HEMK2: variants seen among roughly 807,000 people sequenced by gnomAD.
HEMK2 encodes methyltransferase HEMK2.
chr21:28,625,110 A>T, the HEMK2 span, among the ~76,000 whole-genome samples: 2 of 152,220 alleles, frequency 1.3e-5, no homozygotes, highest in African/African-American at 2.4e-5. Flanking sequence ...AAATCAACTG[A>T]GGAAAAGTCA....
chr21:28,703,595 C>T, the HEMK2 span, among the ~76,000 whole-genome samples: 1 of 152,168 alleles, frequency 6.6e-6, no homozygotes, highest in Non-Finnish European at 1.5e-5. Flanking sequence ...TCTGCTCATC[C>T]TTTATCTATG....
At chr21:28,857,321 G>A in the HEMK2 span, among the ~76,000 whole-genome samples, 1 of 151,616 alleles carries the variant, frequency 6.6e-6, no homozygotes, top group African/African-American at 2.4e-5. Flanking sequence ...CTGAAACCAA[G>A]CACCATACAA....
chr21:28,770,166 C>A, the HEMK2 span, among the ~76,000 whole-genome samples: 3 of 152,248 alleles, frequency 2.0e-5, no homozygotes, highest in East Asian at 3.9e-4. Context: ...AAAGATTTCA[C>A]AAGGAAGTAG....
At chr21:28,632,929 G>A in the HEMK2 span, among the ~76,000 whole-genome samples, 1 of 152,170 alleles carries the variant, frequency 6.6e-6, no homozygotes, top group African/African-American at 2.4e-5. Context: ...CCTGCTGCAA[G>A]TGGCTTATTT....
chr21:28,592,564 C>T, the HEMK2 span, among the ~76,000 whole-genome samples: 1 of 152,198 alleles, frequency 6.6e-6, no homozygotes, highest in South Asian at 2.1e-4. Context: ...AGACAAAAAT[C>T]ATTCTTAAGG....
At chr21:28,768,946 G>A in the HEMK2 span, among the ~76,000 whole-genome samples, 3 of 151,956 alleles carry the variant, frequency 2.0e-5, no homozygotes, top group East Asian at 1.9e-4. Context: ...CAAGAATATG[G>A]CCATCTGCAA....
At chr21:28,714,177 G>A in the HEMK2 span, among the ~76,000 whole-genome samples, 2 of 152,052 alleles carry the variant, frequency 1.3e-5, no homozygotes, top group Non-Finnish European at 2.9e-5. Context: ...TCTAAATGAT[G>A]GATAAATTTT....
the HEMK2 span, among the ~76,000 whole-genome samples, chr21:28,648,851 T>G: frequency 6.6e-6 from 1 of 152,128 alleles, no homozygotes; most frequent in Non-Finnish European, 1.5e-5. Context: ...TAGCTACATA[T>G]GTATACATGT....
the HEMK2 span, among the ~76,000 whole-genome samples, chr21:28,636,635 A>C: frequency 6.6e-6 from 1 of 152,188 alleles, no homozygotes; most frequent in Non-Finnish European, 1.5e-5. Context: ...AGAGAGACTC[A>C]GGCAAACAAA....
the HEMK2 span, among the ~76,000 whole-genome samples, chr21:28,697,316 C>T: frequency 2.0e-5 from 3 of 152,178 alleles, no homozygotes; most frequent in South Asian, 2.1e-4. Flanking sequence ...TTCCACAGAT[C>T]TCTAGGGCAA....
chr21:28,664,060 A>G, the HEMK2 span, among the ~76,000 whole-genome samples: 1 of 152,242 alleles, frequency 6.6e-6, no homozygotes, highest in African/African-American at 2.4e-5. Flanking sequence ...AAAACAATAA[A>G]GTATATTGCA....
chr21:28,816,066 A>G, the HEMK2 span, among the ~76,000 whole-genome samples: 3 of 152,226 alleles, frequency 2.0e-5, no homozygotes, highest in Non-Finnish European at 4.4e-5. Flanking sequence ...GATCAAGTGA[A>G]GAGGCAGCAA....
At chr21:28,733,895 G>A in the HEMK2 span, among the ~76,000 whole-genome samples, 8,708 of 78,946 alleles carry the variant, frequency 0.11, 347 homozygotes, top group African/African-American at 0.28. Flanking sequence ...CAACGGCAGC[G>A]CTATTGCTGA....
At chr21:28,666,700 T>A in the HEMK2 span, among the ~76,000 whole-genome samples, 3 of 152,134 alleles carry the variant, frequency 2.0e-5, no homozygotes, top group African/African-American at 7.2e-5. Flanking sequence ...AGAAGGGTAA[T>A]AAATAGCTTA....
the HEMK2 span, among the ~76,000 whole-genome samples, chr21:28,834,424 C>T: frequency 6.6e-6 from 1 of 152,168 alleles, no homozygotes; most frequent in African/African-American, 2.4e-5. Context: ...GGAGAATTTT[C>T]TTACTTTACC....
At chr21:28,849,571 G>T in the HEMK2 span, among the ~76,000 whole-genome samples, 22 of 152,080 alleles carry the variant, frequency 1.4e-4, no homozygotes, top group Admixed American at 2.0e-4. Context: ...TAGGAACAAA[G>T]ATCATCGACA....
chr21:28,746,544 G>A, the HEMK2 span, among the ~76,000 whole-genome samples: 1 of 152,064 alleles, frequency 6.6e-6, no homozygotes, highest in Non-Finnish European at 1.5e-5. Context: ...ATATATGAGT[G>A]ATAAATGTAG....
At chr21:28,595,444 TG>T in the HEMK2 span, among the ~76,000 whole-genome samples, 1 of 152,224 alleles carries the variant, frequency 6.6e-6, no homozygotes, top group South Asian at 2.1e-4. Flanking sequence ...GTTGTCTTTC[TG>T]TGCCTGGCTT....
chr21:28,832,625 A>G, the HEMK2 span, among the ~76,000 whole-genome samples: 4 of 152,194 alleles, frequency 2.6e-5, no homozygotes, highest in African/African-American at 9.6e-5. Context: ...AACTCTCTCT[A>G]AACATCATGT....
Sources: allele counts gnomAD v4.1 joint callset (sites outside exome capture counted in the v4.1 genomes callset), GRCh38; gene constraint gnomAD v4.1.1; transcripts MANE v1.5; gene names NCBI Gene and HGNC (gene_info 2026-07-23, HGNC 2026-07-21).